LRRC74A: variants seen among roughly 807,000 people sequenced by gnomAD.
The protein encoded by LRRC74A is leucine rich repeat containing 74A, also known as leucine-rich repeat-containing protein 74A.
In LRRC74A, 44 loss-of-function variants were observed where a neutral mutation model predicts 57.9. That is an observed-to-expected ratio of 0.76 (90% CI 0.60 to 0.98). The LOEUF (loss-of-function observed/expected upper bound fraction) is 0.98. LRRC74A is among the 50% of genes least tolerant of loss of function. The pLI is 0.00. For synonymous variants in LRRC74A, 211 were observed against 219.4 expected (o/e 0.96, Z 0.34); for missense variants, 572 against 574.0 (o/e 1.00, Z 0.04).
At chr14:76,829,993 G>T (rs1483709529) in intron 2 of LRRC74A, among the ~76,000 whole-genome samples, 2 of 152,214 alleles carry the variant, frequency 1.3e-5, no homozygotes, top group African/African-American at 2.4e-5. Context: ...AACTAGGGGA[G>T]GGGGGTTGCT....
rs775587650 is a variant in LRRC74A, at chr14:76,853,328, T to C, written c.875T>C (p.Ile292Thr). 14 of 1,613,140 alleles carry C rather than the reference T, an allele frequency of 8.7e-6. No individual in the cohort carries two copies. The South Asian group carries it at 1.1e-4, about 13-fold the overall frequency. The change falls in exon 9 of 14, where the codon ATC (isoleucine) becomes ACC (threonine). Residue 292 changes from isoleucine to threonine, a missense_variant. Physicochemically the swap from Ile to Thr is moderately conservative, Grantham distance 89. Transcript: ENST00000689127. ...RLNRCLVYLDIGGNDIGNEGA... is the reference protein window; with the variant it reads ...RLNRCLVYLDTGGNDIGNEGA... ...AACCGCTGCCTGGTCTACCTGGATA[T>C]CGGTGGCAATGACATCGGCAATGAA...
chr14:76,865,984 A>G lies in LRRC74A; in HGVS notation c.1217A>G (p.His406Arg). Residue 406 changes from histidine (H) to arginine (R), a missense_variant, in exon 12 of 14, where the codon CAC becomes CGC. Transcript: ENST00000689127. ...MKLIQSYADQ[H>R]KITIVDFFKS... is the part of the protein sequence containing the mutation. ...TTCTCTCAGAGCTATGCAGACCAAC[A>G]CAAAATCACGATCGTGGACTTCTTC... 6.3e-7 allele frequency: 1 copy of G among 1,596,200 alleles called. No homozygotes were observed.
At chr14:76,857,323 C>A in intron 9 of LRRC74A, 57 bp from the exon 10 acceptor site, 4 of 1,118,868 alleles carry the variant, frequency 3.6e-6, no homozygotes, top group Non-Finnish European at 5.3e-6. Flanking sequence ...AAACTGTGCT[C>A]TGGGCCAGCC....
intron 5 of LRRC74A, among the ~76,000 whole-genome samples, chr14:76,840,776 G>A (rs1339336284): frequency 2.0e-5 from 3 of 151,576 alleles, no homozygotes; most frequent in East Asian, 1.9e-4. Context: ...GTAGAGACGG[G>A]GTTTCACCGT....
At chr14:76,841,286 A>G (rs1424662651) in intron 5 of LRRC74A, among the ~76,000 whole-genome samples, 1 of 150,778 alleles carries the variant, frequency 6.6e-6, no homozygotes. Context: ...AAGTGATCCA[A>G]CTGCCTCAGC....
Position 76,828,438 on chromosome 14 carries a change from G to A in LRRC74A, c.166+19G>A. 1 of 1,613,728 alleles carries A rather than the reference G, an allele frequency of 6.2e-7. No homozygotes were observed. Among genetic ancestry groups the A allele is most frequent in the Non-Finnish European group, 8.5e-7 (1 of 1,179,740 alleles). On this transcript the variant is annotated intron_variant, in intron 2 of 13. Transcript: ENST00000689127. ...ATTGAAGGCGAGCATGGGCATTTGG[G>A]GGCAGTCAGGGCAGCTTCTCCTCAG...
At chr14:76,831,643 G>T (rs569555549) in intron 3 of LRRC74A, among the ~76,000 whole-genome samples, 1 of 152,110 alleles carries the variant, frequency 6.6e-6, no homozygotes, top group Non-Finnish European at 1.5e-5. Context: ...TTGCTGTTCA[G>T]GAAGCAAAGG....
chr14:76,831,783 C>T (rs1298524547), intron 3 of LRRC74A, among the ~76,000 whole-genome samples: 2 of 152,152 alleles, frequency 1.3e-5, no homozygotes, highest in African/African-American at 4.8e-5. Context: ...TGACCCATTC[C>T]ATTCAATGTC....
intron 9 of LRRC74A, among the ~76,000 whole-genome samples, chr14:76,856,851 A>G (rs1897928776): frequency 6.9e-6 from 1 of 144,614 alleles, no homozygotes; most frequent in African/African-American, 2.6e-5. Context: ...GGATGAGGAG[A>G]TGGACAGGTG....
At chr14:76,849,266 G>T (rs943652899) in intron 7 of LRRC74A, among the ~76,000 whole-genome samples, 1 of 151,854 alleles carries the variant, frequency 6.6e-6, no homozygotes, top group East Asian at 2.0e-4. Flanking sequence ...AGCAATTCTC[G>T]TGCCTCAACC....
chr14:76,829,898 G>A lies in LRRC74A; in HGVS notation c.167-1305G>A, dbSNP rs371476211. Among the ~76,000 whole-genome samples the A allele has an allele frequency of 5.9e-5, 9 of 152,250 alleles. No homozygotes were observed. In the South Asian group the frequency reaches 1.2e-3, roughly 21 times the overall value. On this transcript the variant is annotated intron_variant, in intron 2 of 13. Coordinates refer to ENST00000689127, the MANE Select transcript of LRRC74A (RefSeq NM_001385106.1). ...CTAGAGAAAAGGGGGAGACGAGCCT[G>A]GTTTGCTCACTTGCCATGAGCTGTT...
intron 11 of LRRC74A, 111 bp from the exon 12 acceptor site, chr14:76,865,857 A>T: frequency 1.2e-6 from 1 of 853,002 alleles, no homozygotes; most frequent in Non-Finnish European, 1.9e-6. Context: ...TGCCCTTTTT[A>T]GCCTTGTTAG....
chr14:76,848,679 A>G (rs944530263), intron 7 of LRRC74A, among the ~76,000 whole-genome samples: 4 of 152,250 alleles, frequency 2.6e-5, no homozygotes, highest in African/African-American at 7.2e-5. Context: ...CAAGGGAGAC[A>G]TAGAGTCCAA....
chr14:76,854,062 A>G (rs1169583727), intron 9 of LRRC74A, among the ~76,000 whole-genome samples: 1 of 151,864 alleles, frequency 6.6e-6, no homozygotes, highest in Non-Finnish European at 1.5e-5. Context: ...CTCCAGCCTC[A>G]GTCCACCCGG....
intron 12 of LRRC74A, among the ~76,000 whole-genome samples, chr14:76,866,949 GGTGTGTGTGTGTGTGT>G (rs144836195): frequency 1.5e-4 from 2 of 13,786 alleles, no homozygotes; most frequent in Non-Finnish European, 2.4e-4. Context: ...AGGTGTGTGG[GGTGTGTGTGTGTGTGT>G]GTGTGTGTGT....
At chr14:76,828,839 T>G in intron 2 of LRRC74A, 1 of 424,086 alleles carries the variant, frequency 2.4e-6, no homozygotes, top group Non-Finnish European at 4.4e-6. Context: ...AGCGGGAGTT[T>G]GCCCAGCACG....
At chr14:76,856,811 G>C (rs532966190) in intron 9 of LRRC74A, among the ~76,000 whole-genome samples, 14 of 151,798 alleles carry the variant, frequency 9.2e-5, no homozygotes, top group African/African-American at 3.4e-4. Flanking sequence ...TGGATGGATG[G>C]ATGGATGCAT....
chr14:76,857,550 C>CT, intron 10 of LRRC74A, 75 bp downstream of exon 10: 2 of 1,056,868 alleles, frequency 1.9e-6, no homozygotes, highest in Non-Finnish European at 2.8e-6. Flanking sequence ...TCTGTGTTGG[C>CT]CAGAGCCAAC....
At chr14:76,847,688 T>TAA (rs34780005) in intron 7 of LRRC74A, among the ~76,000 whole-genome samples, 6 of 144,818 alleles carry the variant, frequency 4.1e-5, no homozygotes, top group African/African-American at 1.3e-4. Flanking sequence ...ACTTAAAATT[T>TAA]AAAAAAAAAA....
Sources: allele counts gnomAD v4.1 joint callset (sites outside exome capture counted in the v4.1 genomes callset), GRCh38; gene constraint gnomAD v4.1.1; transcripts MANE v1.5; gene names NCBI Gene and HGNC (gene_info 2026-07-23, HGNC 2026-07-21).